The following SLC24A2 variants were observed in gnomAD, a reference collection of about 807,000 sequenced individuals.
SLC24A2 encodes the protein solute carrier family 24 member 2.
In SLC24A2, 36 loss-of-function variants were observed where a neutral mutation model predicts 62.0. The ratio of observed to expected loss-of-function variants is 0.58; its 90% confidence interval spans 0.44 to 0.77. The LOEUF is 0.77. SLC24A2 is among the 30% of genes least tolerant of loss of function. SLC24A2 has a pLI of 0.00. For missense variants in SLC24A2, 846 were observed against 817.9 expected (o/e 1.03, Z -0.42); for synonymous variants, 358 against 294.0 (o/e 1.22, Z -2.23).
the SLC24A2 span, among the ~76,000 whole-genome samples, chr9:19,863,351 A>T: frequency 1.3e-4 from 20 of 152,052 alleles, no homozygotes; most frequent in Non-Finnish European, 2.8e-4. Flanking sequence ...AAAATCAACA[A>T]AGAAACATTA....
chr9:19,997,468 G>A, the SLC24A2 span, among the ~76,000 whole-genome samples: 1 of 152,164 alleles, frequency 6.6e-6, no homozygotes, highest in Non-Finnish European at 1.5e-5. Flanking sequence ...ATTCCTTGGA[G>A]TGAGGAACTG....
the SLC24A2 span, among the ~76,000 whole-genome samples, chr9:19,949,177 A>G: frequency 6.6e-6 from 1 of 151,978 alleles, no homozygotes; most frequent in Non-Finnish European, 1.5e-5. Flanking sequence ...TATTTTTAGT[A>G]GAGACGCGGT....
At chr9:19,690,500 A>C (rs1287989176) in intron 2 of SLC24A2, among the ~76,000 whole-genome samples, 2 of 152,126 alleles carry the variant, frequency 1.3e-5, no homozygotes, top group Non-Finnish European at 2.9e-5. Context: ...GATGAGATGT[A>C]AGCTAAGATC....
chr9:19,688,736 T>C (rs1230278189), intron 2 of SLC24A2, among the ~76,000 whole-genome samples: 2 of 152,106 alleles, frequency 1.3e-5, no homozygotes, highest in Non-Finnish European at 2.9e-5. Context: ...ATTTTACTGA[T>C]ATAAGTTTCT....
chr9:20,155,547 G>C, the SLC24A2 span, among the ~76,000 whole-genome samples: 1 of 151,742 alleles, frequency 6.6e-6, no homozygotes, highest in Non-Finnish European at 1.5e-5. Flanking sequence ...AGAATATGTG[G>C]TTTTTGTGAA....
chr9:20,109,179 C>T, the SLC24A2 span, among the ~76,000 whole-genome samples: 1 of 152,108 alleles, frequency 6.6e-6, no homozygotes, highest in South Asian at 2.1e-4. Flanking sequence ...CTCTGACGTT[C>T]ACAGACAATG....
chr9:20,105,650 T>C, the SLC24A2 span, among the ~76,000 whole-genome samples: 9 of 151,814 alleles, frequency 5.9e-5, no homozygotes, highest in East Asian at 1.9e-4. Flanking sequence ...TTGAAACCAA[T>C]GAGAACAAAG....
At chr9:20,301,133 A>C in the SLC24A2 span, among the ~76,000 whole-genome samples, 1 of 152,244 alleles carries the variant, frequency 6.6e-6, no homozygotes, top group Non-Finnish European at 1.5e-5. Flanking sequence ...AACAAGAGCA[A>C]AAACACAAAG....
the SLC24A2 span, among the ~76,000 whole-genome samples, chr9:20,263,648 A>G: frequency 6.6e-6 from 1 of 152,222 alleles, no homozygotes; most frequent in Non-Finnish European, 1.5e-5. Flanking sequence ...GCAGTCCTGA[A>G]TCACCATGCA....
chr9:20,062,338 C>T, the SLC24A2 span, among the ~76,000 whole-genome samples: 6 of 150,750 alleles, frequency 4.0e-5, no homozygotes, highest in East Asian at 3.9e-4. Context: ...AATAATGCCG[C>T]GTATCTACAA....
chr9:19,785,896 T>G, intron 2 of SLC24A2, 41 bp downstream of exon 2: 2 of 1,613,726 alleles, frequency 1.2e-6, no homozygotes, highest in Non-Finnish European at 1.7e-6. Context: ...TTCAGAACCG[T>G]AGTCAAGAAA....
At chr9:19,753,409 G>A (rs911135844) in intron 2 of SLC24A2, among the ~76,000 whole-genome samples, 1 of 152,218 alleles carries the variant, frequency 6.6e-6, no homozygotes, top group African/African-American at 2.4e-5. Flanking sequence ...ATCTAAGAAT[G>A]CAGAAAAATA....
At chr9:20,127,687 G>A in the SLC24A2 span, among the ~76,000 whole-genome samples, 2 of 152,106 alleles carry the variant, frequency 1.3e-5, no homozygotes, top group Non-Finnish European at 2.9e-5. Flanking sequence ...TTAAGATCAA[G>A]GACACTTATG....
chr9:19,851,258 C>T, the SLC24A2 span, among the ~76,000 whole-genome samples: 2 of 151,074 alleles, frequency 1.3e-5, no homozygotes, highest in Admixed American at 1.3e-4. Flanking sequence ...CTCCTGACCT[C>T]AGGTAATCCA....
At chr9:19,940,095 A>C in the SLC24A2 span, among the ~76,000 whole-genome samples, 16 of 152,368 alleles carry the variant, frequency 1.1e-4, no homozygotes, top group East Asian at 3.1e-3. Context: ...GGGGAAGTGA[A>C]AGTGCAGAGT....
Position 19,511,046 on chromosome 9 carries a change from G to C in SLC24A2, c.*5107C>G, listed in dbSNP as rs1359687462. On this transcript the variant is annotated 3_prime_UTR_variant, in exon 11 of 11. Transcript: ENST00000341998. ...ACATTAGCTGGGGGGAGTCATTGTGGAAAACAGATTCCTTCCAGAGCAAAC... is the reference window on the plus strand; with the variant it reads ...ACATTAGCTGGGGGGAGTCATTGTGCAAAACAGATTCCTTCCAGAGCAAAC... 1 of 152,162 alleles carries C rather than the reference G, an allele frequency of 6.6e-6. No individual in the cohort carries two copies. 9.4% of individuals were successfully genotyped at this position (152,162 alleles called of 1,614,324 possible).
At chr9:19,543,335 G>T (rs973484027) in intron 8 of SLC24A2, among the ~76,000 whole-genome samples, 4 of 150,768 alleles carry the variant, frequency 2.7e-5, no homozygotes, top group African/African-American at 7.3e-5. Flanking sequence ...TATTAGTCTG[G>T]CTAGCAGTCT....
the SLC24A2 span, among the ~76,000 whole-genome samples, chr9:19,942,342 C>A: frequency 6.6e-6 from 1 of 152,134 alleles, no homozygotes; most frequent in African/African-American, 2.4e-5. Flanking sequence ...ATTATCATTG[C>A]CATTTTACAG....
chr9:19,809,430 A>C, the SLC24A2 span, among the ~76,000 whole-genome samples: 1 of 152,224 alleles, frequency 6.6e-6, no homozygotes, highest in African/African-American at 2.4e-5. Flanking sequence ...CAAATGATAC[A>C]GGAGTTAAGA....
Sources: allele counts gnomAD v4.1 joint callset (sites outside exome capture counted in the v4.1 genomes callset), GRCh38; gene constraint gnomAD v4.1.1; transcripts MANE v1.5; gene names NCBI Gene and HGNC (gene_info 2026-07-23, HGNC 2026-07-21).